Variants in IL31RA observed in about 807,000 individuals in gnomAD.
IL31RA encodes the protein interleukin-31 receptor subunit alpha.
IL31RA carries 66 observed loss-of-function variants against 83.7 expected under a neutral mutation model. The ratio of observed to expected loss-of-function variants is 0.79; its 90% CI spans 0.65 to 0.97. The LOEUF (loss-of-function observed/expected upper bound fraction) is 0.97. Among genes scored for constraint, IL31RA ranks in the 50% least tolerant of loss-of-function variants. The probability of loss-of-function intolerance (pLI) is 0.00; values close to 1 mark genes in which losing one functional copy is unlikely to be tolerated. For missense variants in IL31RA, 798 were observed against 919.4 expected, an observed-to-expected ratio of 0.87 and a Z score of 1.71; for synonymous variants, 325 against 329.0, an observed-to-expected ratio of 0.99 and a Z score of 0.13.
At chr5:55,869,543 A>G (rs1316580029) in intron 3 of IL31RA, among the ~76,000 whole-genome samples, 1 of 152,076 alleles carries the variant, frequency 6.6e-6, no homozygotes, top group Non-Finnish European at 1.5e-5. Flanking sequence ...GTGTGATCTC[A>G]GCTCACTACA....
intron 8 of IL31RA, among the ~76,000 whole-genome samples, chr5:55,900,495 C>T (rs1748747687): frequency 6.6e-6 from 1 of 152,150 alleles, no homozygotes; most frequent in African/African-American, 2.4e-5. Context: ...CGAAGCTGCC[C>T]TTGAACTCTT....
At position 55,867,153 on chromosome 5, in the gene IL31RA, GTGTT is replaced by G. The variant is rs1293921170; in HGVS notation, c.155-1634_155-1631del. Among the ~76,000 whole-genome samples, 45 of 135,684 alleles carry G rather than the reference GTGTT, an allele frequency of 3.3e-4. 2 individuals carry two copies. The highest frequency in any genetic ancestry group is 1.1e-3 in the African/African-American group (36 of 34,048). The allele number at this position is 135,684 out of a possible 152,430, so 89.0% of individuals were successfully genotyped here. On this transcript the variant is annotated intron_variant, in intron 2 of 14. Transcript: ENST00000652347. ...TGTGTGTGCATGTGTGTGTGCATGT[GTGTT>G]TGTGTGTGTGCATGTGTGTGTGCAT...
intron 2 of IL31RA, among the ~76,000 whole-genome samples, chr5:55,867,157 T>TGTGTGCATG (rs1746141730): frequency 1.8e-5 from 1 of 55,064 alleles, no homozygotes; most frequent in African/African-American, 6.0e-5. Flanking sequence ...GCATGTGTGT[T>TGTGTGCATG]TGTGTGTGTG....
intron 5 of IL31RA, among the ~76,000 whole-genome samples, chr5:55,884,250 G>A (rs1747442295): frequency 6.6e-6 from 1 of 152,070 alleles, no homozygotes; most frequent in African/African-American, 2.4e-5. Flanking sequence ...CTCTCTTAAT[G>A]GTGACTTTTG....
At chr5:55,862,725 T>C (rs559078324) in intron 2 of IL31RA, among the ~76,000 whole-genome samples, 6 of 152,254 alleles carry the variant, frequency 3.9e-5, no homozygotes, top group African/African-American at 1.4e-4. Flanking sequence ...TTCTTCCTAT[T>C]CCAGGATCCA....
intron 1 of IL31RA, among the ~76,000 whole-genome samples, chr5:55,851,857 C>A (rs1169275316): frequency 6.6e-6 from 1 of 152,218 alleles, no homozygotes; most frequent in East Asian, 1.9e-4. Flanking sequence ...TGGCTTGATT[C>A]ATTTCTCTTT....
chr5:55,859,046 A>T (rs1479302870), intron 1 of IL31RA, among the ~76,000 whole-genome samples: 1 of 152,212 alleles, frequency 6.6e-6, no homozygotes, highest in Non-Finnish European at 1.5e-5. Context: ...GAGCCTTGAA[A>T]TGAGTCTGGA....
chr5:55,908,948 A>G (rs1749333561), intron 11 of IL31RA: 44 of 1,041,138 alleles, frequency 4.2e-5, no homozygotes, highest in Non-Finnish European at 5.3e-5. Flanking sequence ...TAGTGGCATT[A>G]GAAGCATTCA....
chr5:55,842,597 G>A, the IL31RA span, among the ~76,000 whole-genome samples: 3 of 152,314 alleles, frequency 2.0e-5, no homozygotes, highest in Non-Finnish European at 4.4e-5. Context: ...CCTTAGGGCG[G>A]AATTAATGAC....
chr5:55,840,997 A>G, the IL31RA span, among the ~76,000 whole-genome samples: 1 of 152,168 alleles, frequency 6.6e-6, no homozygotes, highest in Non-Finnish European at 1.5e-5. Flanking sequence ...AGACTGAAGG[A>G]ATCAAGTAAT....
chr5:55,871,861 A>G (rs1746527515), intron 3 of IL31RA, among the ~76,000 whole-genome samples: 1 of 140,742 alleles, frequency 7.1e-6, no homozygotes, highest in Non-Finnish European at 1.5e-5. Flanking sequence ...ACCATAATGT[A>G]TTTAACAAAT....
At chr5:55,843,120 A>T in the IL31RA span, among the ~76,000 whole-genome samples, 1 of 152,180 alleles carries the variant, frequency 6.6e-6, no homozygotes, top group African/African-American at 2.4e-5. Flanking sequence ...TGTTTATCTT[A>T]GCCATGGTCG....
rs1749846699 is a variant in IL31RA, at chr5:55,917,282, A to G, written c.*162A>G. On this transcript the variant is annotated 3_prime_UTR_variant, in exon 15 of 15. Transcript: ENST00000652347. The stretch of plus-strand genomic sequence containing the variant: ...TGCCAGTTGAACTTGGTCGGCAAAG[A>G]TGCGACCTTGTACTGGGAAGAAGGG... 1.9e-6 allele frequency: 3 copies of G among 1,544,782 alleles called. No homozygotes were observed. Among genetic ancestry groups the G allele is most frequent in the Non-Finnish European group, 8.7e-7 (1 of 1,152,398 alleles).
intron 3 of IL31RA, among the ~76,000 whole-genome samples, chr5:55,869,861 G>A (rs1746410671): frequency 6.6e-6 from 1 of 152,116 alleles, no homozygotes; most frequent in African/African-American, 2.4e-5. Flanking sequence ...ATTGTAAGAT[G>A]ACCTTTAGTC....
At chr5:55,883,839 G>A (rs1222183185) in intron 5 of IL31RA, among the ~76,000 whole-genome samples, 1 of 152,206 alleles carries the variant, frequency 6.6e-6, no homozygotes, top group Non-Finnish European at 1.5e-5. Context: ...AGTAGAAATA[G>A]AGGAGGAGCA....
At chr5:55,861,248 C>T (rs1346189779) in intron 2 of IL31RA, among the ~76,000 whole-genome samples, 1 of 152,178 alleles carries the variant, frequency 6.6e-6, no homozygotes, top group East Asian at 1.9e-4. Context: ...GCCTTAGCCC[C>T]TTGGGGTTAC....
In IL31RA at chr5:55,890,151, C is replaced by A. The variant is rs781328551; in HGVS notation, c.772+16C>A. On this transcript the variant is annotated intron_variant, in intron 6 of 14. Coordinates refer to ENST00000652347, the MANE Select transcript of IL31RA (RefSeq NM_139017.7). ...GAGGAAGAAGGCAAGCTACTCCCTGCGATTCCCGTCCTGTCTGCTCTGGTG... is the reference window on the plus strand; with the variant it reads ...GAGGAAGAAGGCAAGCTACTCCCTGAGATTCCCGTCCTGTCTGCTCTGGTG... The A allele has an allele frequency of 1.2e-6, 2 of 1,612,248 alleles. No individual in the cohort carries two copies. Among genetic ancestry groups the A allele is most frequent in the Admixed American group, 1.7e-5 (1 of 59,990 alleles).
At chr5:55,876,901 AT>A (rs567616705) in intron 4 of IL31RA, among the ~76,000 whole-genome samples, 3 of 150,876 alleles carry the variant, frequency 2.0e-5, no homozygotes, top group South Asian at 2.1e-4. Flanking sequence ...AGCCAGTTGG[AT>A]TTTTTTTTCT....
chr5:55,875,966 A>T (rs186289961), intron 4 of IL31RA, among the ~76,000 whole-genome samples: 3 of 152,314 alleles, frequency 2.0e-5, no homozygotes, highest in Non-Finnish European at 4.4e-5. Context: ...CTTTAATGAA[A>T]GCATTTAATA....
Sources: allele counts gnomAD v4.1 joint callset (sites outside exome capture counted in the v4.1 genomes callset), GRCh38; gene constraint gnomAD v4.1.1; transcripts MANE v1.5; gene names NCBI Gene and HGNC (gene_info 2026-07-23, HGNC 2026-07-21).